Variants in ATP10B observed in about 807,000 individuals in gnomAD.
The protein encoded by ATP10B is phospholipid-transporting ATPase VB.
ATP10B carries 122 observed loss-of-function variants against 141.2 expected under a neutral mutation model. The observed-to-expected ratio is 0.86, with a 90% CI of 0.75 to 1.00. The LOEUF (loss-of-function observed/expected upper bound fraction) is 1.00, where lower values mean the gene tolerates loss of function less well. Ranked by LOEUF, ATP10B falls within the 50% of genes least tolerant of loss-of-function variation. The pLI is 0.00. For missense variants in ATP10B, 1,876 were observed against 1,825.3 expected, an observed-to-expected ratio of 1.03 and a Z score of -0.51; for synonymous variants, 685 against 692.0, an observed-to-expected ratio of 0.99 and a Z score of 0.16.
rs1046060906 is a variant in ATP10B, at chr5:160,634,474, C to G, written c.1261G>C (p.Ala421Pro). The stretch of plus-strand genomic sequence containing the variant: ...TACTGGATCTGGCCCAAGTCCTCTG[C>G]GATGTTGAGGGCTCGACATTGAATG... ...LSIQCRALNI[A>P]EDLGQIQYIF... Residue 421 changes from alanine to proline, a missense_variant, in exon 12 of 26, where the codon GCA (alanine) becomes CCA (proline). Transcript: ENST00000327245. 1.2e-6 allele frequency: 2 copies of G among 1,614,118 alleles called. No homozygotes were observed. The highest frequency in any genetic ancestry group is 8.5e-7 in the Non-Finnish European group (1 of 1,180,018).
At chr5:160,684,694 CTG>C in intron 6 of ATP10B, 1 of 557,056 alleles carries the variant, frequency 1.8e-6, no homozygotes, top group South Asian at 2.6e-5. Context: ...ATAAAGCTCA[CTG>C]TAGAGAACTG....
chr5:160,575,725 C>T (rs1465220871), intron 24 of ATP10B, among the ~76,000 whole-genome samples: 1 of 152,038 alleles, frequency 6.6e-6, no homozygotes, highest in Non-Finnish European at 1.5e-5. Flanking sequence ...CCCTAAATAG[C>T]CACAGTCAAT....
chr5:160,919,099 C>G, the ATP10B span, among the ~76,000 whole-genome samples: 3 of 149,814 alleles, frequency 2.0e-5, 1 homozygote, highest in African/African-American at 7.4e-5. Flanking sequence ...TGGCGCGCAC[C>G]TGTAGTCCCA....
chr5:160,919,451 A>C, the ATP10B span, among the ~76,000 whole-genome samples: 286 of 152,154 alleles, frequency 1.9e-3, no homozygotes, highest in Middle Eastern at 0.017. Flanking sequence ...CCCAATAATC[A>C]AACAAATGGG....
chr5:160,587,152 G>T (rs914591094), intron 24 of ATP10B, among the ~76,000 whole-genome samples: 1 of 152,068 alleles, frequency 6.6e-6, no homozygotes, highest in African/African-American at 2.4e-5. Flanking sequence ...TGTATAAGGT[G>T]TAAGGAAGGG....
chr5:160,582,549 C>G (rs115057857), intron 24 of ATP10B, among the ~76,000 whole-genome samples: 1 of 152,160 alleles, frequency 6.6e-6, no homozygotes, highest in Non-Finnish European at 1.5e-5. Context: ...GGGAACCCGA[C>G]CTTTCTCTCT....
At chr5:160,578,243 A>G (rs946781262) in intron 24 of ATP10B, among the ~76,000 whole-genome samples, 2 of 152,146 alleles carry the variant, frequency 1.3e-5, no homozygotes, top group African/African-American at 4.8e-5. Context: ...CATGTGCAGA[A>G]TGTGCAGGTT....
the ATP10B span, among the ~76,000 whole-genome samples, chr5:160,900,113 T>C: frequency 4.2e-4 from 64 of 152,302 alleles, no homozygotes; most frequent in African/African-American, 1.5e-3. Flanking sequence ...CCACTTCCTG[T>C]GCAGCCATCC....
chr5:160,704,161 C>A (rs1764840994), intron 3 of ATP10B, among the ~76,000 whole-genome samples: 1 of 152,132 alleles, frequency 6.6e-6, no homozygotes, highest in Non-Finnish European at 1.5e-5. Flanking sequence ...GGGCGATCCT[C>A]TCGCCTCAGC....
intron 2 of ATP10B, among the ~76,000 whole-genome samples, chr5:160,744,212 G>A (rs1258594774): frequency 2.6e-5 from 4 of 152,126 alleles, no homozygotes; most frequent in African/African-American, 4.8e-5. Context: ...TCTGAGATGA[G>A]CCATTACCAA....
chr5:160,813,148 G>A (rs905811179), intron 1 of ATP10B, among the ~76,000 whole-genome samples: 2 of 152,240 alleles, frequency 1.3e-5, no homozygotes, highest in African/African-American at 2.4e-5. Flanking sequence ...AGGACAGTGG[G>A]TGCAGTGCAC....
At chr5:160,681,745 CA>C (rs1264143459) in intron 6 of ATP10B, among the ~76,000 whole-genome samples, 1 of 151,922 alleles carries the variant, frequency 6.6e-6, no homozygotes, top group African/African-American at 2.4e-5. Flanking sequence ...CTTTAGGTTT[CA>C]AAAAAATAGG....
chr5:160,678,546 C>T (rs1482194955), intron 6 of ATP10B, among the ~76,000 whole-genome samples: 3 of 152,166 alleles, frequency 2.0e-5, no homozygotes, highest in Non-Finnish European at 1.5e-5. Context: ...GTAATCCCAG[C>T]TACTCGGGAG....
chr5:160,620,200 T>G (rs923425055), intron 15 of ATP10B, 147 bp downstream of exon 15: 8 of 1,052,498 alleles, frequency 7.6e-6, no homozygotes, highest in Admixed American at 5.3e-5. Context: ...TTAAGGATAT[T>G]TGAGGAAAAC....
intron 8 of ATP10B, among the ~76,000 whole-genome samples, chr5:160,644,849 G>A (rs1760158543): frequency 6.6e-6 from 1 of 152,318 alleles, no homozygotes; most frequent in East Asian, 1.9e-4. Context: ...CGGGTGCAGT[G>A]GCTCAAGCCT....
chr5:160,912,712 GAAGA>G, the ATP10B span, among the ~76,000 whole-genome samples: 4 of 151,950 alleles, frequency 2.6e-5, no homozygotes, highest in South Asian at 4.2e-4. Flanking sequence ...AAAGAGAAAA[GAAGA>G]AAGAAAAGAG....
At chr5:160,746,966 A>T (rs1159745676) in intron 2 of ATP10B, among the ~76,000 whole-genome samples, 1 of 152,222 alleles carries the variant, frequency 6.6e-6, no homozygotes, top group Non-Finnish European at 1.5e-5. Flanking sequence ...CCTTATTTGC[A>T]GATGGTCTTA....
At chr5:160,871,804 A>G in the ATP10B span, among the ~76,000 whole-genome samples, 538 of 152,194 alleles carry the variant, frequency 3.5e-3, no homozygotes, top group African/African-American at 0.011. Flanking sequence ...CAATTTTGCA[A>G]TTGTGAATTG....
At chr5:160,668,055 A>T (rs1762428830) in intron 7 of ATP10B, among the ~76,000 whole-genome samples, 1 of 151,874 alleles carries the variant, frequency 6.6e-6, no homozygotes, top group Admixed American at 6.6e-5. Context: ...CATGGCAAAA[A>T]CCCTGTCTCT....
Sources: gnomAD v4.1 joint callset for allele counts (sites outside exome capture counted in the v4.1 genomes callset) on GRCh38, gnomAD v4.1.1 for gene constraint, MANE v1.5 for transcripts, NCBI Gene and HGNC (gene_info 2026-07-23, HGNC 2026-07-21) for gene names.